Variants in PLA2R1 observed in about 807,000 individuals in gnomAD.
The protein encoded by PLA2R1 is phospholipase A2 receptor 1.
Under a neutral mutation model 195.9 loss-of-function variants are expected in PLA2R1, and 158 were observed. The observed-to-expected ratio is 0.81, with a 90% CI of 0.71 to 0.92. PLA2R1 has a LOEUF of 0.92. PLA2R1 is among the 40% of genes least tolerant of loss of function. The pLI is 0.00. For synonymous variants in PLA2R1, 586 were observed against 598.2 expected (o/e 0.98, Z 0.30); for missense variants, 1,626 against 1,764.6 (o/e 0.92, Z 1.41).
At chr2:160,038,008 G>A (rs932804927) in intron 3 of PLA2R1, among the ~76,000 whole-genome samples, 31 of 152,176 alleles carry the variant, frequency 2.0e-4, no homozygotes, top group Non-Finnish European at 1.3e-4. Flanking sequence ...CATAGTAGGT[G>A]TTCAATACAT....
At chr2:159,956,438 TG>T in intron 21 of PLA2R1, 71 bp downstream of exon 21, 5 of 816,220 alleles carry the variant, frequency 6.1e-6, no homozygotes, top group Non-Finnish European at 1.1e-5. Context: ...TTAGTATAGG[TG>T]GGGGGGATAT....
chr2:160,024,715 G>C (rs560915054), intron 6 of PLA2R1, among the ~76,000 whole-genome samples: 1 of 152,252 alleles, frequency 6.6e-6, no homozygotes, highest in East Asian at 1.9e-4. Context: ...TGCATCCAAG[G>C]GAAACAGCAT....
At chr2:160,048,867 G>T in intron 1 of PLA2R1, among the ~76,000 whole-genome samples, 1 of 138,336 alleles carries the variant, frequency 7.2e-6, no homozygotes, top group Admixed American at 7.4e-5. Flanking sequence ...TTGAGACAGA[G>T]TCTCGCTCTG....
At position 159,955,720 on chromosome 2, in the gene PLA2R1, C is replaced by G. The variant is rs1200350165; in HGVS notation, c.3131G>C (p.Trp1044Ser). 6.6e-7 allele frequency: 1 copy of G among 1,521,994 alleles called. No individual in the cohort carries two copies. The highest frequency in any genetic ancestry group is 8.9e-7 in the Non-Finnish European group (1 of 1,121,456). The allele number at this position is 1,521,994 out of a possible 1,614,324, so 94.3% of individuals were successfully genotyped here. A position where few individuals can be genotyped will look rare whatever the true frequency, so the allele number is the denominator to read the frequency against. Residue 1044 changes from tryptophan (W) to serine (S), a missense_variant, in exon 22 of 30, where the codon TGG becomes TCG. By Grantham distance (177) the Trp-to-Ser change is radical (BLOSUM62 -3). Coordinates refer to ENST00000283243, the MANE Select transcript of PLA2R1 (RefSeq NM_007366.5). ...LNGKPVVYSN[W>S]SPFDIINIPS... ...TACATTTATTATATCAAATGGAGAC[C>G]AGTTAGAATATACCACAGGCTTTCC...
At chr2:160,010,670 A>G (rs148858267) in intron 10 of PLA2R1, among the ~76,000 whole-genome samples, 119 of 152,358 alleles carry the variant, frequency 7.8e-4, no homozygotes, top group African/African-American at 2.7e-3. Context: ...GACACTTTCC[A>G]TCTACTGCCC....
In PLA2R1 at chr2:160,045,177, T is replaced by G; in HGVS notation, c.110-20A>C. On this transcript the variant is annotated intron_variant, in intron 1 of 29. Coordinates refer to ENST00000283243, the MANE Select transcript of PLA2R1 (RefSeq NM_007366.5). The stretch of plus-strand genomic sequence containing the variant: ...CTTTATCTGAAACAAAAATCAAAGA[T>G]GTGGCATGAAATTTTCATATATAAT... 4 of 1,569,856 alleles carry G rather than the reference T, an allele frequency of 2.5e-6. No homozygotes were observed. The highest frequency in any genetic ancestry group is 3.5e-6 in the Non-Finnish European group (4 of 1,151,592).
In PLA2R1 at chr2:160,005,807, A is replaced by C; in HGVS notation, c.1679T>G (p.Phe560Cys). ...CACACTACTGATCAAACTGGTAATA[A>C]AAGCCTGTTCAAACCTTAAAAGGGG... ...VTITNRFEQAFITSLISSVVK... is the reference protein window; with the variant it reads ...VTITNRFEQACITSLISSVVK... Residue 560 changes from phenylalanine (F) to cysteine (C), a missense_variant, in exon 11 of 30, where the codon TTT becomes TGT. Transcript: ENST00000283243. 3.1e-6 allele frequency: 5 copies of C among 1,612,304 alleles called. No homozygotes were observed. Among genetic ancestry groups the C allele is most frequent in the Non-Finnish European group, 4.2e-6 (5 of 1,178,356 alleles).
At chr2:159,990,470 T>C (rs1690695407) in intron 11 of PLA2R1, among the ~76,000 whole-genome samples, 1 of 152,150 alleles carries the variant, frequency 6.6e-6, no homozygotes, top group African/African-American at 2.4e-5. Context: ...ACAAACCCAT[T>C]GACCAAAACT....
intron 3 of PLA2R1, among the ~76,000 whole-genome samples, chr2:160,041,055 A>G (rs1300857798): frequency 1.3e-5 from 2 of 152,206 alleles, no homozygotes; most frequent in South Asian, 2.1e-4. Flanking sequence ...CAGGACTCCA[A>G]TCTTGGCCTG....
chr2:160,027,472 T>G (rs1693595576), intron 6 of PLA2R1, among the ~76,000 whole-genome samples: 2 of 152,208 alleles, frequency 1.3e-5, no homozygotes, highest in Admixed American at 1.3e-4. Flanking sequence ...GTACCCCATA[T>G]TCTACAAAAC....
chr2:159,969,696 C>T (rs1689024003), intron 18 of PLA2R1, among the ~76,000 whole-genome samples: 1 of 152,086 alleles, frequency 6.6e-6, no homozygotes, highest in Non-Finnish European at 1.5e-5. Context: ...GTGCGCACCA[C>T]CACGCCCAGC....
chr2:159,953,228 T>C (rs1687871000), intron 23 of PLA2R1, among the ~76,000 whole-genome samples: 1 of 152,210 alleles, frequency 6.6e-6, no homozygotes, highest in South Asian at 2.1e-4. Context: ...TTGCCACCCA[T>C]TGCCCTGAAA....
At chr2:160,005,846 T>C (rs1259726709) in intron 10 of PLA2R1, 25 bp from the exon 11 acceptor site, 2 of 1,540,036 alleles carry the variant, frequency 1.3e-6, no homozygotes, top group Admixed American at 1.7e-5. Context: ...AAAGAAGTGG[T>C]TACATTAAGT....
chr2:160,048,624 T>C (rs1695032832), intron 1 of PLA2R1, among the ~76,000 whole-genome samples: 1 of 152,128 alleles, frequency 6.6e-6, no homozygotes, highest in African/African-American at 2.4e-5. Context: ...TTAGTGTGCA[T>C]AGTTGTTGGA....
At position 160,062,593 on chromosome 2, in the gene PLA2R1, A is replaced by T. The variant is rs560085660; in HGVS notation, c.-190T>A. ...CCCACTCCGCCACCGCTGTCTCCAC[A>T]GTGAACCGACACTCGGGGCTCTGGG... On this transcript the variant is annotated 5_prime_UTR_variant, in exon 1 of 30. Coordinates refer to ENST00000283243, the MANE Select transcript of PLA2R1 (RefSeq NM_007366.5). 33 of 1,036,300 alleles carry T rather than the reference A, an allele frequency of 3.2e-5. No homozygotes were observed. Among genetic ancestry groups the T allele is most frequent in the Non-Finnish European group, 2.6e-6 (2 of 774,892 alleles). 64.2% of individuals were successfully genotyped at this position (1,036,300 alleles called of 1,614,324 possible). A position where few individuals can be genotyped will look rare whatever the true frequency, so the allele number is the denominator to read the frequency against.
rs898265779 is a variant in PLA2R1, at chr2:159,940,921, T to A, written c.*857A>T. 1.3e-5 allele frequency: 2 copies of A among 152,314 alleles called. No homozygotes were observed. The highest frequency in any genetic ancestry group is 2.9e-5 in the Non-Finnish European group (2 of 67,998). The allele number at this position is 152,314 out of a possible 1,614,324, so 9.4% of individuals were successfully genotyped here. ...CAAGTTACATTTTATATCTTCCAGTTATTAAGAGTGTTACATATTATTTTA... is the reference window on the plus strand; with the variant it reads ...CAAGTTACATTTTATATCTTCCAGTAATTAAGAGTGTTACATATTATTTTA... On this transcript the variant is annotated 3_prime_UTR_variant, in exon 30 of 30. Coordinates refer to ENST00000283243, the MANE Select transcript of PLA2R1 (RefSeq NM_007366.5).
intron 3 of PLA2R1, among the ~76,000 whole-genome samples, chr2:160,040,276 A>C (rs1313751002): frequency 6.6e-6 from 1 of 151,686 alleles, no homozygotes; most frequent in African/African-American, 2.4e-5. Context: ...TATTACCCCC[A>C]CTACCCAGGC....
intron 8 of PLA2R1, 52 bp downstream of exon 8, chr2:160,020,054 G>T: frequency 7.2e-7 from 1 of 1,392,520 alleles, no homozygotes; most frequent in South Asian, 1.3e-5. Context: ...AACACAGGTG[G>T]CCTTCAGTAC....
chr2:160,048,886 G>C (rs909200635), intron 1 of PLA2R1, among the ~76,000 whole-genome samples: 4 of 148,324 alleles, frequency 2.7e-5, no homozygotes, highest in African/African-American at 1.0e-4. Context: ...TGTCACCCAG[G>C]CTGGAGTGCA....
Sources: gnomAD v4.1 joint callset for allele counts (sites outside exome capture counted in the v4.1 genomes callset) on GRCh38, gnomAD v4.1.1 for gene constraint, MANE v1.5 for transcripts, NCBI Gene and HGNC (gene_info 2026-07-23, HGNC 2026-07-21) for gene names.